Variants in SLC44A2 observed in about 807,000 individuals in gnomAD.
SLC44A2 encodes choline transporter-like protein 2.
SLC44A2 carries 57 observed loss-of-function variants against 90.8 expected under a neutral mutation model. The ratio of observed to expected loss-of-function variants is 0.63; its 90% CI spans 0.51 to 0.78. The LOEUF is 0.78. SLC44A2 is among the 30% of genes least tolerant of loss of function. The probability of loss-of-function intolerance (pLI) is 0.00; values close to 1 mark genes in which losing one functional copy is unlikely to be tolerated. For synonymous variants in SLC44A2, 355 were observed against 360.7 expected, an observed-to-expected ratio of 0.98 and a Z score of 0.18; for missense variants, 794 against 919.7, an observed-to-expected ratio of 0.86 and a Z score of 1.77.
chr19:10,616,093 T>C (rs1477367240), intron 1 of SLC44A2, among the ~76,000 whole-genome samples: 1 of 149,824 alleles, frequency 6.7e-6, no homozygotes, highest in Non-Finnish European at 1.5e-5. Flanking sequence ...TGAGCCAAGA[T>C]GGTGCCACTG....
At chr19:10,622,754 T>A (rs184197604), upstream of SLC44A2, among the ~76,000 whole-genome samples, 263 of 151,804 alleles carry the variant, frequency 1.7e-3, no homozygotes, top group Non-Finnish European at 3.2e-3. Flanking sequence ...TACAAAAAAT[T>A]ACCTGAGTGT....
intron 20 of SLC44A2, chr19:10,641,353 C>G (rs1031082878): frequency 1.7e-4 from 72 of 428,616 alleles, no homozygotes; most frequent in African/African-American, 1.4e-3. Context: ...GAGATGGGGC[C>G]ACTGCACTCT....
In SLC44A2 at chr19:10,643,376, G is replaced by A. The variant is rs371992797; in HGVS notation, c.2112G>A (p.Ala704=). The A allele has an allele frequency of 6.5e-5, 104 of 1,611,364 alleles. No homozygotes were observed. Among genetic ancestry groups the A allele is most frequent in the Non-Finnish European group, 8.1e-5 (95 of 1,178,666 alleles). The stretch of plus-strand genomic sequence containing the variant: ...TGAACAAGACCAACAAGAAGGCAGC[G>A]GAGTCCTGAAGGCCCCGTGCTCCCC... ...KLLNKTNKKA[A]ES is the part of the protein sequence containing the mutation. The change falls in exon 22 of 22, where the codon GCG becomes GCA. Residue 704 remains alanine, a synonymous_variant. Coordinates refer to ENST00000335757, the MANE Select transcript of SLC44A2 (RefSeq NM_020428.4).
Position 10,610,652 on chromosome 19 carries a change from T to C in SLC44A2, c.31+8091T>C, listed in dbSNP as rs535859816. 2.1e-4 allele frequency among the ~76,000 whole-genome samples: 26 copies of C among 122,832 alleles called. No homozygotes were observed. In the South Asian group the frequency reaches 6.9e-3, roughly 32 times the overall value. 80.6% of individuals were successfully genotyped at this position (122,832 alleles called of 152,430 possible). A position where few individuals can be genotyped will look rare whatever the true frequency, so the allele number is the denominator to read the frequency against. ...CTGGCTTTTTTTTTTTTTTTTTTTT[T>C]TTTTGAGATGGAGTTTCACTCTTGT... On this transcript the variant is annotated intron_variant, in intron 1 of 21. Transcript: ENST00000407327.
chr19:10,642,836 C>T lies in SLC44A2; in HGVS notation c.2014+385C>T, dbSNP rs544839531. Reference sequence around the variant, plus strand: ...GGCTTCCCTGTTCTTCCCTGCCTCCCTCTTTCCCTCCCTTCCCGACCACCC... The same window carrying T: ...GGCTTCCCTGTTCTTCCCTGCCTCCTTCTTTCCCTCCCTTCCCGACCACCC... On this transcript the variant is annotated intron_variant, in intron 21 of 21. Coordinates refer to ENST00000335757, the MANE Select transcript of SLC44A2 (RefSeq NM_020428.4). 19 of 1,510,498 alleles carry T rather than the reference C, an allele frequency of 1.3e-5. No individual in the cohort carries two copies. The African/African-American group carries it at 1.5e-4, about 12-fold the overall frequency. 93.6% of individuals were successfully genotyped at this position (1,510,498 alleles called of 1,614,324 possible).
rs566479458 is a variant in SLC44A2 at position 10,635,078 on chromosome 19, G to A, written c.1055+5G>A. ...ACTCATCAAAGAAGCCAGCAGGTGG[G>A]GGGCCAGGGTGCCAGGGGCCAGGAT... On this transcript the variant is annotated splice_donor_5th_base_variant and intron_variant, in intron 12 of 21. Transcript: ENST00000335757. 2.3e-5 allele frequency: 37 copies of A among 1,614,082 alleles called. No individual in the cohort carries two copies. Among genetic ancestry groups the A allele is most frequent in the Admixed American group, 1.5e-4 (9 of 60,000 alleles).
upstream of SLC44A2, among the ~76,000 whole-genome samples, chr19:10,625,082 T>C (rs888517423): frequency 6.6e-6 from 1 of 151,818 alleles, no homozygotes; most frequent in African/African-American, 2.4e-5. Context: ...TGCGATGAGC[T>C]GTGATTGCAC....
chr19:10,610,433 G>T (rs1918259091), intron 1 of SLC44A2, among the ~76,000 whole-genome samples: 1 of 146,516 alleles, frequency 6.8e-6, no homozygotes, highest in East Asian at 2.0e-4. Flanking sequence ...CCGGGTTCAC[G>T]CCATTCTCCT....
At chr19:10,618,346 T>C (rs554736037) in intron 1 of SLC44A2, among the ~76,000 whole-genome samples, 1 of 151,060 alleles carries the variant, frequency 6.6e-6, no homozygotes, top group East Asian at 1.9e-4. Context: ...GGCTACTTTT[T>C]TGTATTTTTA....
At chr19:10,606,231 G>A (rs1918100590) in intron 1 of SLC44A2, among the ~76,000 whole-genome samples, 1 of 152,154 alleles carries the variant, frequency 6.6e-6, no homozygotes, top group Non-Finnish European at 1.5e-5. Context: ...CCAGGAGGCA[G>A]AGGTTGCAGT....
At chr19:10,626,660 G>A (rs375961865) in intron 2 of SLC44A2, among the ~76,000 whole-genome samples, 77 of 151,448 alleles carry the variant, frequency 5.1e-4, no homozygotes, top group African/African-American at 1.9e-3. Context: ...AGCTCAAAGC[G>A]ATCCACCTGC....
In SLC44A2 at chr19:10,611,726, G is replaced by A. The variant is rs566146179; in HGVS notation, c.31+9165G>A. Among the ~76,000 whole-genome samples the A allele has an allele frequency of 2.3e-4, 35 of 152,150 alleles. No homozygotes were observed. The South Asian group carries it at 6.7e-3, about 29-fold the overall frequency. ...GGTCCGAGCCACTCTGGAGGGTGAG[G>A]TGGGAGGATTGCTTGAGCCTAGGAG... On this transcript the variant is annotated intron_variant, in intron 1 of 21. Coordinates refer to the SLC44A2 transcript ENST00000407327.
In SLC44A2 at chr19:10,631,463, C is replaced by A. The variant is rs915916399; in HGVS notation, c.442-12C>A. The A allele has an allele frequency of 6.2e-7, 1 of 1,614,146 alleles. No homozygotes were observed. Among genetic ancestry groups the A allele is most frequent in the Admixed American group, 1.7e-5 (1 of 60,006 alleles). On this transcript the variant is annotated splice_polypyrimidine_tract_variant and intron_variant, in intron 6 of 21. Coordinates refer to ENST00000335757, the MANE Select transcript of SLC44A2 (RefSeq NM_020428.4). ...GACTTGGGGACTCACCTCCCTCCAT[C>A]TCTCTTGGCAGGGAGTGGCTGAGGT...
At chr19:10,625,327 C>T, upstream of SLC44A2, 1 of 505,910 alleles carries the variant, frequency 2.0e-6, no homozygotes, top group Non-Finnish European at 2.9e-6. Context: ...TTCTAGGCGG[C>T]ATCGCCCGGT....
intron 1 of SLC44A2, among the ~76,000 whole-genome samples, chr19:10,608,206 G>C (rs1000108234): frequency 6.7e-6 from 1 of 149,250 alleles, no homozygotes; most frequent in African/African-American, 2.5e-5. Context: ...CTGGGCAACA[G>C]AGCGAGACTC....
intron 1 of SLC44A2, among the ~76,000 whole-genome samples, chr19:10,606,390 A>T (rs1918104216): frequency 6.6e-6 from 1 of 152,030 alleles, no homozygotes; most frequent in Admixed American, 6.6e-5. Flanking sequence ...ATATATATAC[A>T]TGTGGCCGGG....
chr19:10,636,796 G>A (rs1049122530), intron 16 of SLC44A2, 40 bp downstream of exon 16: 1 of 1,585,268 alleles, frequency 6.3e-7, no homozygotes. Context: ...CCTGTTGCGG[G>A]GCGAGGCTGA....
In SLC44A2 at chr19:10,636,776, C is replaced by CATTAGCTCCTGTTGCGGGGCGAGGA; in HGVS notation, c.1591+20_1591+21insATTAGCTCCTGTTGCGGGGCGAGGA. On this transcript the variant is annotated intron_variant, in intron 16 of 21. Transcript: ENST00000335757. ...TGAAAGGTACGTCCCACCCACGGTTCGCATTAGCTCCTGTTGCGGGGCGAG... is the reference window on the plus strand; with the variant it reads ...TGAAAGGTACGTCCCACCCACGGTTCATTAGCTCCTGTTGCGGGGCGAGGAGCATTAGCTCCTGTTGCGGGGCGAG... 6.2e-7 allele frequency: 1 copy of CATTAGCTCCTGTTGCGGGGCGAGGA among 1,607,734 alleles called. No homozygotes were observed.
chr19:10,632,143 G>T lies in SLC44A2; in HGVS notation c.810G>T (p.Leu270=). ...MVWVMIIMVI[L]VLGYGIFHCY... is the part of the protein sequence containing the mutation. Reference sequence around the variant, plus strand: ...GGGTGATGATCATCATGGTGATTCTGGTGCTGGGCTACGGTGCGTCACCCC... The same window carrying T: ...GGGTGATGATCATCATGGTGATTCTTGTGCTGGGCTACGGTGCGTCACCCC... The change falls in exon 10 of 22, where the codon CTG becomes CTT. Residue 270 remains leucine, a synonymous_variant. Coordinates refer to ENST00000335757, the MANE Select transcript of SLC44A2 (RefSeq NM_020428.4). 1 of 1,613,846 alleles carries T rather than the reference G, an allele frequency of 6.2e-7. No homozygotes were observed. Among genetic ancestry groups the T allele is most frequent in the African/African-American group, 1.3e-5 (1 of 75,010 alleles).
Sources: gnomAD v4.1 joint callset for allele counts (sites outside exome capture counted in the v4.1 genomes callset) on GRCh38, gnomAD v4.1.1 for gene constraint, MANE v1.5 for transcripts, NCBI Gene and HGNC (gene_info 2026-07-23, HGNC 2026-07-21) for gene names.